DCUN1D4: variants seen among roughly 807,000 people sequenced by gnomAD.
DCUN1D4 encodes the protein defective in cullin neddylation 1 domain containing 4.
In DCUN1D4, 22 loss-of-function variants were observed where a neutral mutation model predicts 47.9. The observed-to-expected ratio is 0.46, with a 90% confidence interval of 0.33 to 0.66. DCUN1D4 has a LOEUF of 0.66. DCUN1D4 is among the 30% of genes least tolerant of loss of function. The probability of loss-of-function intolerance (pLI) is 0.02; values close to 1 mark genes in which losing one functional copy is unlikely to be tolerated. For missense variants in DCUN1D4, 301 were observed against 340.8 expected (o/e 0.88, Z 0.92); for synonymous variants, 121 against 112.2 (o/e 1.08, Z -0.50).
intron 3 of DCUN1D4, among the ~76,000 whole-genome samples, chr4:51,867,751 A>G (rs1437648429): frequency 6.6e-6 from 1 of 152,048 alleles, no homozygotes; most frequent in Non-Finnish European, 1.5e-5. Context: ...ATAAGTTCTC[A>G]CTCTAGTCCC....
In DCUN1D4 at chr4:51,843,248, C is replaced by G; in HGVS notation, c.6C>G (p.His2Gln). The change falls in exon 1 of 11, where the codon CAC becomes CAG. Residue 2 changes from histidine (H) to glutamine (Q), a missense_variant. His to Gln is a conservative substitution (Grantham distance 24, BLOSUM62 0). Transcript: ENST00000334635. ...CGGGTGTGAGCTGCCTGAAAATGCACTCGGATGCCGCCGCTGTCAGTGAGT... is the reference window on the plus strand; with the variant it reads ...CGGGTGTGAGCTGCCTGAAAATGCAGTCGGATGCCGCCGCTGTCAGTGAGT... MHSDAAAVNFQL... is the reference protein window; with the variant it reads MQSDAAAVNFQL... 1 of 1,542,250 alleles carries G rather than the reference C, an allele frequency of 6.5e-7. No homozygotes were observed. The highest frequency in any genetic ancestry group is 8.7e-7 in the Non-Finnish European group (1 of 1,143,986).
At chr4:51,910,920 T>TC in intron 8 of DCUN1D4, 150 bp from the exon 9 acceptor site, 3 of 688,434 alleles carry the variant, frequency 4.4e-6, no homozygotes, top group Non-Finnish European at 7.4e-6. Context: ...CTACCTCCCC[T>TC]CCCTAACCTT....
intron 1 of DCUN1D4, among the ~76,000 whole-genome samples, chr4:51,856,895 G>A (rs1254617676): frequency 6.6e-6 from 1 of 152,216 alleles, no homozygotes; most frequent in Non-Finnish European, 1.5e-5. Flanking sequence ...TGTCTCAGAA[G>A]AATCCAGCAC....
chr4:51,899,463 A>G, intron 8 of DCUN1D4, 85 bp downstream of exon 8: 1 of 1,487,746 alleles, frequency 6.7e-7, no homozygotes, highest in Non-Finnish European at 8.9e-7. Context: ...TTTACATGCC[A>G]CAGCAAAAAA....
chr4:51,878,429 G>C (rs968292769), intron 5 of DCUN1D4, among the ~76,000 whole-genome samples: 7 of 152,136 alleles, frequency 4.6e-5, no homozygotes, highest in African/African-American at 1.7e-4. Flanking sequence ...CAAGCTGAAG[G>C]CTCTTTTATC....
At chr4:51,888,349 A>G (rs1416475474) in intron 6 of DCUN1D4, among the ~76,000 whole-genome samples, 1 of 152,206 alleles carries the variant, frequency 6.6e-6, no homozygotes, top group African/African-American at 2.4e-5. Flanking sequence ...TGAAGAAGAA[A>G]GGGAGGCACA....
rs972853438 is a variant in DCUN1D4 at position 51,848,324 on chromosome 4, C to T, written c.25+5057C>T. On this transcript the variant is annotated intron_variant, in intron 1 of 10. Coordinates refer to ENST00000334635, the MANE Select transcript of DCUN1D4 (RefSeq NM_001040402.3). ...GTGCACACGTCCGTTTCTGGTCTCT[C>T]GTGTCAGCGTCCTACCTGCACAAGG... is the stretch of plus-strand genomic sequence containing the variant. 31 of 1,286,042 alleles carry T rather than the reference C, an allele frequency of 2.4e-5. No homozygotes were observed. The East Asian group carries it at 7.8e-4, about 32-fold the overall frequency. 79.7% of individuals were successfully genotyped at this position (1,286,042 alleles called of 1,614,324 possible).
At chr4:51,875,205 C>G (rs1055134213) in intron 4 of DCUN1D4, 1 of 152,116 alleles carries the variant, frequency 6.6e-6, no homozygotes, top group Non-Finnish European at 1.5e-5. Context: ...GTTTATATCT[C>G]AAATGAATAG....
intron 1 of DCUN1D4, among the ~76,000 whole-genome samples, chr4:51,852,380 C>T (rs1723503533): frequency 6.6e-6 from 1 of 152,196 alleles, no homozygotes; most frequent in Non-Finnish European, 1.5e-5. Flanking sequence ...CAACTACTAA[C>T]ATCATTTTTA....
At chr4:51,871,113 A>G (rs1726820499) in intron 3 of DCUN1D4, among the ~76,000 whole-genome samples, 1 of 145,580 alleles carries the variant, frequency 6.9e-6, no homozygotes, top group Admixed American at 6.8e-5. Flanking sequence ...GCTTACACTG[A>G]TGATTAGAGT....
intron 4 of DCUN1D4, among the ~76,000 whole-genome samples, chr4:51,876,428 G>A (rs1276787914): frequency 6.6e-6 from 1 of 151,934 alleles, no homozygotes; most frequent in Non-Finnish European, 1.5e-5. Flanking sequence ...GTGGGGTGGG[G>A]GTAGGAGGGA....
intron 1 of DCUN1D4, chr4:51,844,808 CG>C (rs1357219117): frequency 1.0e-6 from 1 of 984,902 alleles, no homozygotes; most frequent in Non-Finnish European, 1.2e-6. Context: ...CGCCCGGCCG[CG>C]GTTGGGTTGG....
chr4:51,843,571 G>T, intron 1 of DCUN1D4: 1 of 1,276,062 alleles, frequency 7.8e-7, no homozygotes, highest in Non-Finnish European at 9.8e-7. Flanking sequence ...GCCGAGATCG[G>T]AGTGTCCGGG....
chr4:51,904,898 T>C (rs1732649384), intron 8 of DCUN1D4, among the ~76,000 whole-genome samples: 1 of 152,182 alleles, frequency 6.6e-6, no homozygotes, highest in Admixed American at 6.5e-5. Context: ...TTAATGAAAA[T>C]TGAGCTTTAT....
the DCUN1D4 span, among the ~76,000 whole-genome samples, chr4:51,837,819 C>T: frequency 6.6e-6 from 1 of 151,960 alleles, no homozygotes; most frequent in Admixed American, 6.6e-5. Flanking sequence ...AAATTCTTAG[C>T]TTTTCTGAGA....
intron 6 of DCUN1D4, among the ~76,000 whole-genome samples, chr4:51,887,783 C>T (rs1729735652): frequency 6.6e-6 from 1 of 152,010 alleles, no homozygotes; most frequent in Non-Finnish European, 1.5e-5. Flanking sequence ...TTTTATTTTA[C>T]CCTTACCATT....
Position 51,878,500 on chromosome 4 carries a change from A to G in DCUN1D4, c.343+646A>G, listed in dbSNP as rs79776162. Among the ~76,000 whole-genome samples the G allele has an allele frequency of 5.2e-3, 787 of 152,296 alleles. 6 individuals are homozygous for G. Among genetic ancestry groups the G allele is most frequent in the East Asian group, 0.014 (74 of 5,174 alleles). ...AACTTACCAACTGGCTATTCTAGCA[A>G]CCTTTAAACCAATTTTCCTGTCATC... On this transcript the variant is annotated intron_variant, in intron 5 of 10. Coordinates refer to ENST00000334635, the MANE Select transcript of DCUN1D4 (RefSeq NM_001040402.3).
At chr4:51,856,169 C>T (rs1724103511) in intron 1 of DCUN1D4, among the ~76,000 whole-genome samples, 1 of 152,198 alleles carries the variant, frequency 6.6e-6, no homozygotes, top group East Asian at 1.9e-4. Flanking sequence ...TTGGCAATAA[C>T]ATGGTCACTA....
the DCUN1D4 span, among the ~76,000 whole-genome samples, chr4:51,834,086 C>T: frequency 1.1e-3 from 51 of 46,924 alleles, no homozygotes; most frequent in African/African-American, 2.5e-3. Flanking sequence ...CTCTCTCTCT[C>T]TTTTCTTTTC....
Sources: allele counts gnomAD v4.1 joint callset (sites outside exome capture counted in the v4.1 genomes callset), GRCh38; gene constraint gnomAD v4.1.1; transcripts MANE v1.5; gene names NCBI Gene and HGNC (gene_info 2026-07-23, HGNC 2026-07-21).